CCDC60: variants seen among roughly 807,000 people sequenced by gnomAD.
The protein encoded by CCDC60 is coiled-coil domain-containing protein 60.
In CCDC60, 54 loss-of-function variants were observed where a neutral mutation model predicts 63.5. The ratio of observed to expected loss-of-function variants is 0.85; its 90% CI spans 0.68 to 1.07. CCDC60 has a LOEUF of 1.07. CCDC60 is among the 50% of genes least tolerant of loss of function. The pLI, the probability that CCDC60 is intolerant of heterozygous loss-of-function variation, is 0.00. For missense variants in CCDC60, 651 were observed against 684.3 expected, an observed-to-expected ratio of 0.95 and a Z score of 0.54; for synonymous variants, 206 against 238.8, an observed-to-expected ratio of 0.86 and a Z score of 1.27.
In CCDC60 at chr12:119,456,001, G is replaced by GAAAGAGAAAGAAAGAA. The variant is rs747663726; in HGVS notation, c.171-15992_171-15991insAAGAGAAAGAAAGAAA. Among the ~76,000 whole-genome samples, 33 of 51,120 alleles carry GAAAGAGAAAGAAAGAA rather than the reference G, an allele frequency of 6.5e-4. No homozygotes were observed. Among genetic ancestry groups the GAAAGAGAAAGAAAGAA allele is most frequent in the South Asian group, 1.1e-3 (1 of 916 alleles). The allele number at this position is 51,120 out of a possible 152,430, so 33.5% of individuals were successfully genotyped here. ...AGGGAGAGAGAAAGAGAGAGAGAAA[G>GAAAGAGAAAGAAAGAA]AGAAAGAAAGAAAGAAAGAAAGAAA... On this transcript the variant is annotated intron_variant, in intron 2 of 13. Transcript: ENST00000327554. The surrounding 1 kb of genome is among the most constrained non-coding windows in gnomAD (Gnocchi z 4.6).
At chr12:119,449,122 G>T (rs1343302314) in intron 2 of CCDC60, among the ~76,000 whole-genome samples, 1 of 152,130 alleles carries the variant, frequency 6.6e-6, no homozygotes, top group Non-Finnish European at 1.5e-5. Flanking sequence ...ATGTGTATGT[G>T]TATGTATATG....
intron 12 of CCDC60, among the ~76,000 whole-genome samples, chr12:119,529,115 C>T (rs1764092391): frequency 6.6e-6 from 1 of 152,096 alleles, no homozygotes; most frequent in Admixed American, 6.6e-5. Flanking sequence ...TGCATCCCCC[C>T]AAGTAACGTA....
In CCDC60 at chr12:119,358,373, C is replaced by T. The variant is rs74567756; in HGVS notation, c.90+23107C>T. ...AAAGGGTGAGTTTTGTCCTTTCTCA[C>T]CCCTCTCTTGCCCTTCCACCTTCCA... On this transcript the variant is annotated intron_variant, in intron 1 of 13. Transcript: ENST00000327554. Among the ~76,000 whole-genome samples, 473 of 152,280 alleles carry T rather than the reference C, an allele frequency of 3.1e-3. 3 individuals carry two copies. Among genetic ancestry groups the T allele is most frequent in the African/African-American group, 0.011 (451 of 41,558 alleles).
chr12:119,387,444 T>A (rs534583532), intron 1 of CCDC60, among the ~76,000 whole-genome samples: 4 of 152,304 alleles, frequency 2.6e-5, no homozygotes, highest in African/African-American at 9.6e-5. Context: ...AAGCCCTAAA[T>A]TCACTCATTT....
chr12:119,377,169 C>T (rs533267937), intron 1 of CCDC60, among the ~76,000 whole-genome samples: 52 of 144,346 alleles, frequency 3.6e-4, no homozygotes, highest in African/African-American at 1.1e-3. Context: ...GTATGGGAAT[C>T]GCTTGAGCTT....
chr12:119,419,471 G>A (rs1240398078), intron 1 of CCDC60, among the ~76,000 whole-genome samples: 1 of 152,164 alleles, frequency 6.6e-6, no homozygotes, highest in Non-Finnish European at 1.5e-5. Flanking sequence ...TCCTGTCATT[G>A]GTGATGCTAA....
At chr12:119,469,514 C>G (rs1401793655) in intron 2 of CCDC60, among the ~76,000 whole-genome samples, 1 of 152,130 alleles carries the variant, frequency 6.6e-6, no homozygotes, top group Non-Finnish European at 1.5e-5. Context: ...CCCGCCCCGG[C>G]CTCCCAAAGT....
intron 1 of CCDC60, among the ~76,000 whole-genome samples, chr12:119,355,630 A>G (rs1341535919): frequency 6.6e-6 from 1 of 152,216 alleles, no homozygotes; most frequent in Non-Finnish European, 1.5e-5. Context: ...TTAGACAACA[A>G]TTTTTATTGA....
chr12:119,340,412 A>G (rs1253632046), intron 1 of CCDC60, among the ~76,000 whole-genome samples: 3 of 152,186 alleles, frequency 2.0e-5, no homozygotes, highest in African/African-American at 7.2e-5. Flanking sequence ...GGGCTTGAAG[A>G]TCCCCAGGGT....
At chr12:119,440,011 A>G (rs1566010617) in intron 2 of CCDC60, among the ~76,000 whole-genome samples, 1 of 150,966 alleles carries the variant, frequency 6.6e-6, no homozygotes. Context: ...GAGTTGAACA[A>G]TGAGAACACA....
chr12:119,385,968 C>T (rs560664821), intron 1 of CCDC60, among the ~76,000 whole-genome samples: 7 of 152,334 alleles, frequency 4.6e-5, no homozygotes, highest in African/African-American at 1.7e-4. Flanking sequence ...TGCACCATCT[C>T]TTTCCTACTC....
intron 1 of CCDC60, among the ~76,000 whole-genome samples, chr12:119,365,991 GC>G (rs1955836209): frequency 6.6e-6 from 1 of 152,094 alleles, no homozygotes; most frequent in Admixed American, 6.6e-5. Flanking sequence ...TGGAGTCCTG[GC>G]CTCACAGTAA....
rs1395930856 is a variant in CCDC60 at position 119,398,392 on chromosome 12, G to A, written c.91-30291G>A. On this transcript the variant is annotated intron_variant, in intron 1 of 13. Coordinates refer to ENST00000327554, the MANE Select transcript of CCDC60 (RefSeq NM_178499.5). ...TCGTGCTGGCCTGGGAGCATGGCAC[G>A]CAGACTCGGTTCCCACCCGTGCCTC... 2.6e-5 allele frequency among the ~76,000 whole-genome samples: 4 copies of A among 152,102 alleles called. No homozygotes were observed. The East Asian group carries it at 5.8e-4, about 22-fold the overall frequency.
chr12:119,487,196 G>T (rs1951465779), intron 4 of CCDC60, among the ~76,000 whole-genome samples: 1 of 152,070 alleles, frequency 6.6e-6, no homozygotes, highest in African/African-American at 2.4e-5. Context: ...ACTAATCCTA[G>T]CAGTGTGACC....
intron 2 of CCDC60, among the ~76,000 whole-genome samples, chr12:119,433,171 A>G (rs1201542122): frequency 6.8e-6 from 1 of 146,840 alleles, no homozygotes; most frequent in South Asian, 2.2e-4. Context: ...GAGTTGTTAA[A>G]CATTCACCAG....
At chr12:119,400,212 G>C (rs1257009848) in intron 1 of CCDC60, among the ~76,000 whole-genome samples, 3 of 151,962 alleles carry the variant, frequency 2.0e-5, no homozygotes, top group African/African-American at 4.8e-5. Flanking sequence ...ACCACGCCCG[G>C]CTAATTTTTT....
Position 119,505,261 on chromosome 12 carries a change from G to T in CCDC60, c.841G>T (p.Glu281Ter). Residue 281 changes from glutamate (E) to a stop codon, truncating the protein, a stop_gained, in exon 7 of 14, where the codon GAG (glutamate) becomes TAG (stop). Transcript: ENST00000327554. LOFTEE classifies it high-confidence loss of function. ...CAGCAGCAAGGACATTGAGGACAAT[G>T]AGTCATCTTCAACCAAGCCAGATGA... ...VTSSKDIEDN[E>*]SSSTKPDEEP... 6.2e-7 allele frequency: 1 copy of T among 1,612,676 alleles called. No homozygotes were observed. Among genetic ancestry groups the T allele is most frequent in the Non-Finnish European group, 8.5e-7 (1 of 1,180,010 alleles).
intron 1 of CCDC60, among the ~76,000 whole-genome samples, chr12:119,346,910 T>G (rs1955603704): frequency 6.6e-6 from 1 of 151,592 alleles, no homozygotes; most frequent in African/African-American, 2.4e-5. Flanking sequence ...CTGCAGCCTC[T>G]GCCTCCTGGG....
At chr12:119,495,090 C>T (rs1357400802) in intron 5 of CCDC60, among the ~76,000 whole-genome samples, 1 of 152,172 alleles carries the variant, frequency 6.6e-6, no homozygotes, top group African/African-American at 2.4e-5. Context: ...CTCATTTAAG[C>T]CTCATTCCAA....
Sources: gnomAD v4.1 joint callset for allele counts (sites outside exome capture counted in the v4.1 genomes callset) on GRCh38, gnomAD v4.1.1 for gene constraint, Gnocchi (gnomAD v3.1) non-coding constraint, MANE v1.5 for transcripts, NCBI Gene and HGNC (gene_info 2026-07-23, HGNC 2026-07-21) for gene names.